RMND1: variants seen among roughly 807,000 people sequenced by gnomAD.
The protein encoded by RMND1 is required for meiotic nuclear division protein 1 homolog.
A neutral mutation model predicts 54.0 loss-of-function variants in RMND1; 41 were observed. The observed-to-expected ratio is 0.76, with a 90% CI of 0.59 to 0.98. RMND1 has a LOEUF of 0.98. Among genes scored for constraint, RMND1 ranks in the 50% least tolerant of loss-of-function variants. The pLI is 0.00. For missense variants in RMND1, 457 were observed against 532.0 expected (o/e 0.86, Z 1.39); for synonymous variants, 183 against 181.7 (o/e 1.01, Z -0.06).
intron 10 of RMND1, among the ~76,000 whole-genome samples, chr6:151,406,167 CTAAAGA>C: frequency 6.6e-6 from 1 of 152,196 alleles, no homozygotes; most frequent in East Asian, 1.9e-4. Context: ...TTAGCAAGAC[CTAAAGA>C]TAATTTACTT....
At chr6:151,436,295 T>C in intron 3 of RMND1, 151 bp downstream of exon 3, 1 of 768,718 alleles carries the variant, frequency 1.3e-6, no homozygotes, top group East Asian at 2.8e-5. Flanking sequence ...CTTAACTTTG[T>C]CATCTTTATA....
chr6:151,425,428 G>A (rs943250021), intron 6 of RMND1, among the ~76,000 whole-genome samples: 1 of 105,048 alleles, frequency 9.5e-6, no homozygotes, highest in Non-Finnish European at 2.1e-5. Context: ...ACAGTAACGT[G>A]TGTGTGTGTG....
At chr6:151,415,149 T>C (rs1779965072) in intron 10 of RMND1, among the ~76,000 whole-genome samples, 1 of 152,100 alleles carries the variant, frequency 6.6e-6, no homozygotes, top group Non-Finnish European at 1.5e-5. Flanking sequence ...CTTTTCTTAG[T>C]TTTCTAAATT....
intron 5 of RMND1, among the ~76,000 whole-genome samples, chr6:151,428,160 T>TA (rs1247057936): frequency 6.6e-6 from 1 of 152,050 alleles, no homozygotes; most frequent in Non-Finnish European, 1.5e-5. Flanking sequence ...AACATACTAA[T>TA]AAAAAATTAA....
chr6:151,445,875 CAT>C (rs1780940759), intron 1 of RMND1, 50 bp from the exon 2 acceptor site: 3 of 1,421,462 alleles, frequency 2.1e-6, no homozygotes, highest in Non-Finnish European at 2.8e-6. Flanking sequence ...ATGTTTAAAA[CAT>C]ATATAATATT....
intron 6 of RMND1, among the ~76,000 whole-genome samples, chr6:151,424,999 G>GTGGC (rs1454843893): frequency 1.3e-5 from 2 of 152,138 alleles, no homozygotes; most frequent in African/African-American, 4.8e-5. Flanking sequence ...CTGGAGTGTA[G>GTGGC]TGGCGTGATC....
chr6:151,437,641 A>T (rs1780650239), intron 2 of RMND1, among the ~76,000 whole-genome samples: 1 of 152,224 alleles, frequency 6.6e-6, no homozygotes, highest in South Asian at 2.1e-4. Context: ...ATCAACATTT[A>T]TTCTTAGGAT....
Position 151,445,380 on chromosome 6 carries a change from C to A in RMND1, c.432G>T (p.Val144=). The part of the protein sequence containing the change: ...TFVPKQDFPQ[V]KRPLKASRTR... ...TCCTGGATGCTTTTAGTGGTCTCTT[C>A]ACCTGTGGGAAGTCTTGTTTTGGAA... Residue 144 remains valine (V), a synonymous_variant, in exon 2 of 12, where the codon GTG becomes GTT. Transcript: ENST00000444024. The A allele has an allele frequency of 6.2e-7, 1 of 1,614,012 alleles. No individual in the cohort carries two copies. The highest frequency in any genetic ancestry group is 2.2e-5 in the East Asian group (1 of 44,886).
At chr6:151,433,848 T>G (rs900049684) in intron 3 of RMND1, among the ~76,000 whole-genome samples, 8 of 144,718 alleles carry the variant, frequency 5.5e-5, no homozygotes, top group East Asian at 2.1e-4. Flanking sequence ...TTGTTTGTTT[T>G]TTTTGAGACA....
chr6:151,443,138 C>G (rs763217199), intron 2 of RMND1, among the ~76,000 whole-genome samples: 1 of 152,126 alleles, frequency 6.6e-6, no homozygotes, highest in African/African-American at 2.4e-5. Flanking sequence ...GGGTTTACCA[C>G]TATGATGGCC....
At position 151,427,650 on chromosome 6, in the gene RMND1, A is replaced by G. The variant is rs550856694; in HGVS notation, c.730-68T>C. On this transcript the variant is annotated intron_variant, in intron 5 of 11. Transcript: ENST00000444024. ...CTCAGTTCAAGTATGTTATGATTTT[A>G]ATGCTTATAACAGTCTTCATTACAC... is the stretch of plus-strand genomic sequence containing the variant. 5.8e-5 allele frequency: 58 copies of G among 1,000,752 alleles called. No individual in the cohort carries two copies. In the African/African-American group the frequency reaches 7.6e-4, roughly 13 times the overall value. 62.0% of individuals were successfully genotyped at this position (1,000,752 alleles called of 1,614,324 possible).
chr6:151,423,608 C>A lies in RMND1; in HGVS notation c.854G>T (p.Gly285Val), dbSNP rs1217406345. ...KIEGQSKLHRGEIKLNSELDL... is the reference protein window; with the variant it reads ...KIEGQSKLHRVEIKLNSELDL... Reference sequence around the variant, plus strand: ...CAGCTCTGAATTTAACTTGATTTCCCCCCTGTGAAGTTTTGACTGTCCCCT... The same window carrying A: ...CAGCTCTGAATTTAACTTGATTTCCACCCTGTGAAGTTTTGACTGTCCCCT... Residue 285 changes from glycine (G) to valine (V), a missense_variant, in exon 7 of 12, where the codon GGG (glycine) becomes GTG (valine). By Grantham distance (109) the Gly-to-Val change is moderately radical. Coordinates refer to ENST00000444024, the MANE Select transcript of RMND1 (RefSeq NM_017909.4). 1.2e-6 allele frequency: 2 copies of A among 1,613,580 alleles called. No individual in the cohort carries two copies. The highest frequency in any genetic ancestry group is 2.2e-5 in the South Asian group (2 of 91,068).
intron 2 of RMND1, among the ~76,000 whole-genome samples, chr6:151,437,104 A>G (rs1250972046): frequency 6.6e-6 from 1 of 152,200 alleles, no homozygotes; most frequent in Non-Finnish European, 1.5e-5. Flanking sequence ...ACTTTGTCTC[A>G]TGCCCCATCT....
chr6:151,427,670 T>A, intron 5 of RMND1, 88 bp from the exon 6 acceptor site: 1 of 777,764 alleles, frequency 1.3e-6, no homozygotes. Flanking sequence ...ACAGTCTTCA[T>A]TACACTTACA....
intron 2 of RMND1, chr6:151,444,618 A>C (rs1481362374): frequency 7.3e-6 from 1 of 136,058 alleles, no homozygotes; most frequent in South Asian, 2.4e-4. Flanking sequence ...AATATCTTTA[A>C]AGTTGATGAC....
rs1475941301 is a variant in RMND1, at chr6:151,405,849, A to C, written c.1201-13T>G. ...TTTCATTCATGACCTATGTAAGAAAAATTTCAGTAACATGTATTTAAACAA... is the reference window on the plus strand; with the variant it reads ...TTTCATTCATGACCTATGTAAGAAACATTTCAGTAACATGTATTTAAACAA... On this transcript the variant is annotated splice_polypyrimidine_tract_variant and intron_variant, in intron 10 of 11. Coordinates refer to ENST00000444024, the MANE Select transcript of RMND1 (RefSeq NM_017909.4). 24 of 1,365,312 alleles carry C rather than the reference A, an allele frequency of 1.8e-5. No homozygotes were observed. Among genetic ancestry groups the C allele is most frequent in the Non-Finnish European group, 2.4e-5 (23 of 955,142 alleles). The allele number at this position is 1,365,312 out of a possible 1,614,324, so 84.6% of individuals were successfully genotyped here.
At chr6:151,439,103 C>T (rs1458901463) in intron 2 of RMND1, among the ~76,000 whole-genome samples, 2 of 152,044 alleles carry the variant, frequency 1.3e-5, no homozygotes, top group Non-Finnish European at 2.9e-5. Flanking sequence ...AGCAAGACTC[C>T]GTTTCAAACA....
At chr6:151,429,484 T>A (rs1166348706) in intron 5 of RMND1, among the ~76,000 whole-genome samples, 1 of 152,162 alleles carries the variant, frequency 6.6e-6, no homozygotes, top group African/African-American at 2.4e-5. Context: ...AAATAGATAT[T>A]TTTTTACATG....
intron 10 of RMND1, among the ~76,000 whole-genome samples, chr6:151,412,992 A>C (rs1437085133): frequency 6.8e-6 from 1 of 146,960 alleles, no homozygotes; most frequent in African/African-American, 2.5e-5. Context: ...AAACCATATC[A>C]CTCCCCTACT....
Sources: allele counts gnomAD v4.1 joint callset (sites outside exome capture counted in the v4.1 genomes callset), GRCh38; gene constraint gnomAD v4.1.1; transcripts MANE v1.5; gene names NCBI Gene and HGNC (gene_info 2026-07-23, HGNC 2026-07-21).